The following GAB1 variants were observed in gnomAD, a reference collection of about 807,000 sequenced individuals.
GAB1 encodes the protein GRB2-associated-binding protein 1.
GAB1 carries 19 observed loss-of-function variants against 66.5 expected under a neutral mutation model. The ratio of observed to expected loss-of-function variants is 0.29; its 90% CI spans 0.20 to 0.42. GAB1 has a LOEUF of 0.42. Ranked by LOEUF, GAB1 falls within the 10% of genes least tolerant of loss-of-function variation. The pLI, the probability that GAB1 is intolerant of heterozygous loss-of-function variation, is 1.00. For synonymous variants in GAB1, 294 were observed against 301.4 expected (o/e 0.98, Z 0.25); for missense variants, 732 against 858.5 (o/e 0.85, Z 1.84).
intron 1 of GAB1, among the ~76,000 whole-genome samples, chr4:143,338,445 A>AGT (rs1728728320): frequency 1.3e-5 from 2 of 152,338 alleles, no homozygotes; most frequent in Non-Finnish European, 2.9e-5. Flanking sequence ...AACAGAGTGA[A>AGT]GTACACAGAG....
chr4:143,466,316 G>A, intron 9 of GAB1, 91 bp downstream of exon 9: 1 of 1,292,038 alleles, frequency 7.7e-7, no homozygotes, highest in Non-Finnish European at 1.1e-6. Flanking sequence ...ATTTTATTAA[G>A]TTATGTTTAA....
chr4:143,465,314 A>G (rs1401368894), intron 8 of GAB1, among the ~76,000 whole-genome samples: 1 of 152,138 alleles, frequency 6.6e-6, no homozygotes, highest in Non-Finnish European at 1.5e-5. Context: ...GCTGTCATCT[A>G]TCTTCCTACC....
rs1340094678 is a variant in GAB1, at chr4:143,472,156, T to A, written c.*2967T>A. The A allele has an allele frequency of 6.6e-6, 1 of 151,958 alleles. No homozygotes were observed. The highest frequency in any genetic ancestry group is 2.4e-5 in the African/African-American group (1 of 41,360). The allele number at this position is 151,958 out of a possible 1,614,324, so 9.4% of individuals were successfully genotyped here. A position where few individuals can be genotyped will look rare whatever the true frequency, so the allele number is the denominator to read the frequency against. On this transcript the variant is annotated 3_prime_UTR_variant, in exon 10 of 10. Coordinates refer to ENST00000262994, the MANE Select transcript of GAB1 (RefSeq NM_002039.4). ...CCATGGAAGATATCATTTAGTAAGA[T>A]GTAAAAGATTTTTTAAATCTACACT... is the stretch of plus-strand genomic sequence containing the variant.
chr4:143,364,189 C>CAAAAA (rs779207437), intron 1 of GAB1, among the ~76,000 whole-genome samples: 1 of 81,488 alleles, frequency 1.2e-5, no homozygotes, highest in African/African-American at 4.2e-5. Context: ...ACTTCGTCTC[C>CAAAAA]AAAAAAAAAA....
At chr4:143,351,668 A>G (rs1411956832) in intron 1 of GAB1, among the ~76,000 whole-genome samples, 1 of 152,080 alleles carries the variant, frequency 6.6e-6, no homozygotes, top group African/African-American at 2.4e-5. Flanking sequence ...CCACTTCCAT[A>G]TCATTTAAAG....
chr4:143,430,312 A>G (rs754794663), intron 2 of GAB1, among the ~76,000 whole-genome samples: 3 of 152,222 alleles, frequency 2.0e-5, no homozygotes, highest in Non-Finnish European at 4.4e-5. Flanking sequence ...TAACATAACA[A>G]CCTTAATTGT....
At chr4:143,360,311 C>T (rs1241823160) in intron 1 of GAB1, among the ~76,000 whole-genome samples, 1 of 152,104 alleles carries the variant, frequency 6.6e-6, no homozygotes, top group Non-Finnish European at 1.5e-5. Flanking sequence ...TTGTTTCTTA[C>T]GTTATTTTTC....
intron 6 of GAB1, among the ~76,000 whole-genome samples, chr4:143,444,262 G>A (rs748917217): frequency 1.8e-4 from 27 of 152,188 alleles, no homozygotes; most frequent in Non-Finnish European, 3.4e-4. Flanking sequence ...CTAGCATGAT[G>A]CAGCAGCTGT....
At chr4:143,395,073 AGTG>A (rs1731375162) in intron 1 of GAB1, 1 of 152,238 alleles carries the variant, frequency 6.6e-6, no homozygotes, top group African/African-American at 2.4e-5. Context: ...TGTTAAGAAT[AGTG>A]GTGGTTTACT....
intron 2 of GAB1, among the ~76,000 whole-genome samples, chr4:143,429,895 G>A (rs146861500): frequency 6.6e-6 from 1 of 152,306 alleles, no homozygotes. Flanking sequence ...TCCAAATTTT[G>A]TTCACAGGAT....
At chr4:143,363,925 G>C (rs747618673) in intron 1 of GAB1, among the ~76,000 whole-genome samples, 4 of 152,096 alleles carry the variant, frequency 2.6e-5, no homozygotes, top group Non-Finnish European at 4.4e-5. Flanking sequence ...CGTGCTGGCC[G>C]TGGTGGCTCA....
rs1027330850 is a variant in GAB1 at position 143,459,237 on chromosome 4, ACATT to A, written c.1586-144_1586-141del. 5.4e-5 allele frequency: 33 copies of A among 614,470 alleles called. No homozygotes were observed. The African/African-American group carries it at 5.5e-4, about 10-fold the overall frequency. The allele number at this position is 614,470 out of a possible 1,614,324, so 38.1% of individuals were successfully genotyped here. A position where few individuals can be genotyped will look rare whatever the true frequency, so the allele number is the denominator to read the frequency against. On this transcript the variant is annotated intron_variant, in intron 6 of 9. Coordinates refer to ENST00000262994, the MANE Select transcript of GAB1 (RefSeq NM_002039.4). ...TATGTAACCTTGGGCAAATCATGTAACATTCATGGACCTCATTTCACATGTGAAA... is the reference window on the plus strand; with the variant it reads ...TATGTAACCTTGGGCAAATCATGTAACATGGACCTCATTTCACATGTGAAA...
intron 1 of GAB1, among the ~76,000 whole-genome samples, chr4:143,338,264 T>C (rs1302488839): frequency 6.6e-6 from 1 of 152,252 alleles, no homozygotes; most frequent in Admixed American, 6.5e-5. Context: ...TGCTGACATC[T>C]GGATCAAATA....
chr4:143,348,092 G>A (rs1043422191), intron 1 of GAB1, among the ~76,000 whole-genome samples: 1 of 152,134 alleles, frequency 6.6e-6, no homozygotes, highest in Non-Finnish European at 1.5e-5. Flanking sequence ...CATCTGTTGT[G>A]AAATCGTGAA....
chr4:143,423,821 T>C (rs190337862), intron 2 of GAB1, among the ~76,000 whole-genome samples: 4,733 of 125,846 alleles, frequency 0.038, 511 homozygotes, highest in African/African-American at 0.14. Flanking sequence ...TATATATATA[T>C]ATATATATAT....
At chr4:143,375,241 C>T (rs771801067) in intron 1 of GAB1, among the ~76,000 whole-genome samples, 2 of 152,246 alleles carry the variant, frequency 1.3e-5, no homozygotes, top group Non-Finnish European at 2.9e-5. Context: ...AGCCACTGCA[C>T]CCGGCCTGAA....
At chr4:143,341,971 A>G (rs1448485379) in intron 1 of GAB1, among the ~76,000 whole-genome samples, 1 of 152,262 alleles carries the variant, frequency 6.6e-6, no homozygotes, top group Admixed American at 6.5e-5. Context: ...CAGTGACTGA[A>G]TAAGCATAAT....
At chr4:143,455,668 T>TC (rs1282361921) in intron 6 of GAB1, among the ~76,000 whole-genome samples, 2 of 152,116 alleles carry the variant, frequency 1.3e-5, no homozygotes, top group South Asian at 4.2e-4. Flanking sequence ...CACGTAGATG[T>TC]CCCCCCAAGC....
intron 1 of GAB1, among the ~76,000 whole-genome samples, chr4:143,354,740 G>C (rs1294942573): frequency 6.6e-6 from 1 of 151,496 alleles, no homozygotes; most frequent in Non-Finnish European, 1.5e-5. Context: ...TTATTTCTTT[G>C]TTTTAAGTTA....
Sources: gnomAD v4.1 joint callset for allele counts (sites outside exome capture counted in the v4.1 genomes callset) on GRCh38, gnomAD v4.1.1 for gene constraint, MANE v1.5 for transcripts, NCBI Gene and HGNC (gene_info 2026-07-23, HGNC 2026-07-21) for gene names.